MAP4K4: variants seen among roughly 807,000 people sequenced by gnomAD.
MAP4K4 encodes HPK/GCK-like kinase HGK.
MAP4K4 carries 38 observed loss-of-function variants against 189.6 expected under a neutral mutation model. The observed-to-expected ratio is 0.20, with a 90% confidence interval of 0.15 to 0.26. MAP4K4 has a LOEUF of 0.26. MAP4K4 is among the 10% of genes least tolerant of loss of function. MAP4K4 has a pLI of 1.00. For synonymous variants in MAP4K4, 610 were observed against 624.3 expected (o/e 0.98, Z 0.34); for missense variants, 1,054 against 1,726.9 (o/e 0.61, Z 6.91).
chr2:101,748,756 A>T (rs1389421515), intron 2 of MAP4K4, among the ~76,000 whole-genome samples: 2 of 151,940 alleles, frequency 1.3e-5, no homozygotes, highest in Non-Finnish European at 2.9e-5. Flanking sequence ...ATATCTAGAA[A>T]ACCCCGTTGT....
intron 13 of MAP4K4, among the ~76,000 whole-genome samples, chr2:101,858,544 T>G (rs1374335928): frequency 6.6e-6 from 1 of 152,216 alleles, no homozygotes; most frequent in African/African-American, 2.4e-5. Context: ...TGTATTTTAT[T>G]ATTAAGCAGG....
intron 2 of MAP4K4, among the ~76,000 whole-genome samples, chr2:101,739,338 G>A (rs899776217): frequency 6.6e-6 from 1 of 152,154 alleles, no homozygotes; most frequent in Non-Finnish European, 1.5e-5. Flanking sequence ...TCATCTTAGT[G>A]TATAAATGGA....
chr2:101,825,284 T>C (rs1410419922), intron 4 of MAP4K4, 35 bp from the exon 5 acceptor site: 1 of 1,382,212 alleles, frequency 7.2e-7, no homozygotes, highest in Non-Finnish European at 1.0e-6. Flanking sequence ...TTCTCCAAGA[T>C]ATGTTGCTCA....
intron 2 of MAP4K4, among the ~76,000 whole-genome samples, chr2:101,743,641 C>T (rs2063827705): frequency 6.6e-6 from 1 of 152,006 alleles, no homozygotes; most frequent in Admixed American, 6.6e-5. Context: ...TAAACCACTC[C>T]CAGGAGCAGA....
intron 2 of MAP4K4, among the ~76,000 whole-genome samples, chr2:101,785,319 C>G (rs1265917451): frequency 6.6e-6 from 1 of 152,128 alleles, no homozygotes; most frequent in East Asian, 1.9e-4. Context: ...CACTTTCTTG[C>G]TAAGATGTGA....
chr2:101,820,468 C>T (rs1230939326), intron 3 of MAP4K4, among the ~76,000 whole-genome samples: 1 of 152,086 alleles, frequency 6.6e-6, no homozygotes, highest in East Asian at 1.9e-4. Flanking sequence ...AGTTTTTATA[C>T]CCCAAATCCT....
intron 6 of MAP4K4, among the ~76,000 whole-genome samples, chr2:101,831,446 C>A (rs1419842214): frequency 6.6e-6 from 1 of 151,624 alleles, no homozygotes; most frequent in Non-Finnish European, 1.5e-5. Context: ...ATTCAAAAGG[C>A]CCTCTGCTGG....
At chr2:101,785,659 CTTCT>C (rs1401679604) in intron 2 of MAP4K4, among the ~76,000 whole-genome samples, 1 of 15,774 alleles carries the variant, frequency 6.3e-5, no homozygotes, top group Non-Finnish European at 1.1e-4. Flanking sequence ...TTGCCATCTT[CTTCT>C]TTCTTTCTTT....
chr2:101,710,138 A>G (rs2149291594), intron 2 of MAP4K4, among the ~76,000 whole-genome samples: 1 of 152,304 alleles, frequency 6.6e-6, no homozygotes, highest in East Asian at 1.9e-4. Flanking sequence ...AGGGCTGTGC[A>G]TCAAGGTACT....
At chr2:101,831,884 G>A (rs1342713121) in intron 7 of MAP4K4, 33 bp downstream of exon 7, 35 of 1,607,624 alleles carry the variant, frequency 2.2e-5, no homozygotes, top group Non-Finnish European at 2.9e-5. Flanking sequence ...GCCTTTGCAG[G>A]GCCACTGGCA....
intron 3 of MAP4K4, among the ~76,000 whole-genome samples, chr2:101,791,993 T>A (rs185387271): frequency 6.6e-6 from 1 of 152,240 alleles, no homozygotes; most frequent in Non-Finnish European, 1.5e-5. Context: ...ATTATAGTGA[T>A]CCTATCTTGG....
intron 12 of MAP4K4, 75 bp from the exon 13 acceptor site, chr2:101,855,902 C>T (rs564900242): frequency 1.5e-5 from 21 of 1,419,962 alleles, no homozygotes; most frequent in Admixed American, 7.6e-5. Context: ...CTGGCACTGA[C>T]TGATCAGCAC....
chr2:101,789,615 A>G (rs1295371901), intron 2 of MAP4K4, among the ~76,000 whole-genome samples: 1 of 152,226 alleles, frequency 6.6e-6, no homozygotes, highest in African/African-American at 2.4e-5. Flanking sequence ...TTAAAGTTTC[A>G]AAGTTCACAA....
At chr2:101,783,466 A>G (rs2088884857) in intron 2 of MAP4K4, among the ~76,000 whole-genome samples, 1 of 152,122 alleles carries the variant, frequency 6.6e-6, no homozygotes, top group Non-Finnish European at 1.5e-5. Context: ...TAATTCCCAG[A>G]CTTCAGAGTG....
intron 2 of MAP4K4, among the ~76,000 whole-genome samples, chr2:101,777,871 C>G (rs1298559678): frequency 1.3e-5 from 2 of 152,140 alleles, no homozygotes; most frequent in Non-Finnish European, 2.9e-5. Flanking sequence ...GCCACACTTG[C>G]AAGAAGTGAA....
intron 2 of MAP4K4, among the ~76,000 whole-genome samples, chr2:101,789,089 C>T (rs567415161): frequency 3.9e-5 from 6 of 152,140 alleles, no homozygotes; most frequent in Non-Finnish European, 5.9e-5. Context: ...GACATTTTCC[C>T]TCATCATTTG....
Position 101,703,276 on chromosome 2 carries a change from G to T in MAP4K4, c.123+4738G>T, listed in dbSNP as rs183800063. Among the ~76,000 whole-genome samples the T allele has an allele frequency of 3.3e-5, 5 of 152,160 alleles. No homozygotes were observed. In the East Asian group the frequency reaches 9.7e-4, roughly 30 times the overall value. On this transcript the variant is annotated intron_variant, in intron 2 of 32. Coordinates refer to ENST00000324219, the Ensembl canonical transcript of MAP4K4. ...CATTACTCTTTGCTAGGTTTAACAT[G>T]TTGAATTCACTCGTTCTCTGCAGGC...
rs762175080 is a variant in MAP4K4, at chr2:101,869,601, C to T, written c.2464-21C>T. On this transcript the variant is annotated intron_variant, in intron 21 of 32. Coordinates refer to ENST00000324219, the Ensembl canonical transcript of MAP4K4. ...CCTGCTCCTGCTTGCCTTACTCTCT[C>T]TTTTCTGTCCTTTGCTTTAGGATCT... 1.9e-6 allele frequency: 3 copies of T among 1,598,906 alleles called. No homozygotes were observed. The South Asian group carries it at 3.4e-5, about 18-fold the overall frequency.
chr2:101,835,625 G>A (rs190754703), intron 8 of MAP4K4, among the ~76,000 whole-genome samples: 3 of 152,308 alleles, frequency 2.0e-5, no homozygotes, highest in Admixed American at 6.5e-5. Flanking sequence ...CAACTTAGGT[G>A]TTAGTTCCTA....
Sources: gnomAD v4.1 joint callset for allele counts (sites outside exome capture counted in the v4.1 genomes callset) on GRCh38, gnomAD v4.1.1 for gene constraint, MANE v1.5 for transcripts, NCBI Gene and HGNC (gene_info 2026-07-23, HGNC 2026-07-21) for gene names.